SCML4: variants seen among roughly 807,000 people sequenced by gnomAD.
SCML4 encodes Scm polycomb group protein like 4.
SCML4 carries 34 observed loss-of-function variants against 41.1 expected under a neutral mutation model. The observed-to-expected ratio is 0.83, with a 90% CI of 0.63 to 1.10. The LOEUF (loss-of-function observed/expected upper bound fraction) is 1.10, where lower values mean the gene tolerates loss of function less well. SCML4 is among the 50% of genes least tolerant of loss of function. The pLI is 0.00. For missense variants in SCML4, 522 were observed against 534.1 expected, an observed-to-expected ratio of 0.98 and a Z score of 0.22; for synonymous variants, 214 against 220.9, an observed-to-expected ratio of 0.97 and a Z score of 0.28.
At chr6:107,815,383 T>C (rs1050606776) in intron 1 of SCML4, among the ~76,000 whole-genome samples, 6 of 152,370 alleles carry the variant, frequency 3.9e-5, no homozygotes, top group African/African-American at 1.4e-4. Context: ...AACCTGGGAC[T>C]AACTTATTTT....
At chr6:107,837,410 TGACCCCA>T in the SCML4 span, among the ~76,000 whole-genome samples, 1 of 152,234 alleles carries the variant, frequency 6.6e-6, no homozygotes, top group African/African-American at 2.4e-5. Flanking sequence ...TTATGGTCCC[TGACCCCA>T]GATGCATGAA....
chr6:107,792,432 C>T (rs1782398675), intron 1 of SCML4, among the ~76,000 whole-genome samples: 1 of 152,064 alleles, frequency 6.6e-6, no homozygotes, highest in Admixed American at 6.6e-5. Context: ...CAGACGAAAA[C>T]TTTATAAGGT....
intron 2 of SCML4, among the ~76,000 whole-genome samples, chr6:107,766,797 C>T (rs1368669120): frequency 9.2e-5 from 14 of 152,112 alleles, no homozygotes; most frequent in South Asian, 6.2e-4. Flanking sequence ...ATGTTCAACC[C>T]GAGGAAATGG....
chr6:107,838,406 G>A, the SCML4 span, among the ~76,000 whole-genome samples: 67 of 152,242 alleles, frequency 4.4e-4, no homozygotes, highest in African/African-American at 1.2e-3. Flanking sequence ...TGGGGCTTTC[G>A]TGAAGCTAAA....
intron 6 of SCML4, among the ~76,000 whole-genome samples, chr6:107,708,682 G>A (rs2114343648): frequency 6.6e-6 from 1 of 152,208 alleles, no homozygotes; most frequent in South Asian, 2.1e-4. Flanking sequence ...GCATTTGCCC[G>A]GGTCTCCCCC....
intron 1 of SCML4, among the ~76,000 whole-genome samples, chr6:107,800,094 T>TC (rs1782999399): frequency 6.6e-6 from 1 of 151,634 alleles, no homozygotes; most frequent in Non-Finnish European, 1.5e-5. Context: ...CAAGCCATCC[T>TC]CCCCCCTCAG....
At chr6:107,739,875 T>G (rs1347966172) in intron 5 of SCML4, among the ~76,000 whole-genome samples, 1 of 152,160 alleles carries the variant, frequency 6.6e-6, no homozygotes, top group Non-Finnish European at 1.5e-5. Context: ...GAAAGACATG[T>G]GGGGTGAGGG....
At chr6:107,769,492 G>A (rs1014244983) in intron 2 of SCML4, among the ~76,000 whole-genome samples, 2 of 152,158 alleles carry the variant, frequency 1.3e-5, no homozygotes, top group Admixed American at 6.5e-5. Context: ...CAGAGCAGCT[G>A]GGGAAGCATC....
intron 1 of SCML4, among the ~76,000 whole-genome samples, chr6:107,789,978 G>A (rs1782199477): frequency 6.6e-6 from 1 of 152,226 alleles, no homozygotes; most frequent in Non-Finnish European, 1.5e-5. Context: ...CGTATAGATG[G>A]AGAGTCTGTC....
intron 2 of SCML4, among the ~76,000 whole-genome samples, chr6:107,769,623 G>A (rs1309702471): frequency 6.6e-6 from 1 of 151,990 alleles, no homozygotes; most frequent in African/African-American, 2.4e-5. Context: ...ATTTTATTAC[G>A]ATGCTATTAT....
chr6:107,765,320 C>A (rs556845872), intron 2 of SCML4, among the ~76,000 whole-genome samples: 4 of 152,172 alleles, frequency 2.6e-5, no homozygotes, highest in Non-Finnish European at 5.9e-5. Flanking sequence ...CTCAGCAGAA[C>A]TCTGATCCCC....
chr6:107,714,781 T>C (rs960488826), intron 6 of SCML4, among the ~76,000 whole-genome samples: 5 of 152,084 alleles, frequency 3.3e-5, no homozygotes, highest in Non-Finnish European at 5.9e-5. Context: ...ATTAGGTAGT[T>C]GCTGTTCTTC....
chr6:107,717,367 C>T (rs1382674466), intron 6 of SCML4, among the ~76,000 whole-genome samples: 1 of 150,448 alleles, frequency 6.6e-6, no homozygotes, highest in East Asian at 2.0e-4. Flanking sequence ...TTTCATTTTT[C>T]TTCAGTGTAT....
chr6:107,737,383 G>T (rs896980285), intron 5 of SCML4, among the ~76,000 whole-genome samples: 2 of 152,096 alleles, frequency 1.3e-5, no homozygotes, highest in Non-Finnish European at 2.9e-5. Context: ...CTCTTCCCCA[G>T]ATATGCAAGC....
the SCML4 span, among the ~76,000 whole-genome samples, chr6:107,841,432 TGC>T: frequency 6.6e-6 from 1 of 152,240 alleles, no homozygotes; most frequent in East Asian, 1.9e-4. Context: ...CCAGACACTG[TGC>T]CAGCACGGGG....
rs546933070 is a variant in SCML4 at position 107,822,445 on chromosome 6, G to A, written c.-60+1681C>T. Among the ~76,000 whole-genome samples, 6 of 149,646 alleles carry A rather than the reference G, an allele frequency of 4.0e-5. No individual in the cohort carries two copies. The East Asian group carries it at 9.8e-4, about 24-fold the overall frequency. On this transcript the variant is annotated intron_variant, in intron 1 of 7. Coordinates refer to ENST00000369020, the MANE Select transcript of SCML4 (RefSeq NM_198081.5). Reference sequence around the variant, plus strand: ...AGAAATGATGAAAAGCAACTTACTCGTTTCGCTTATTGTTTTCTTGTCTTT... The same window carrying A: ...AGAAATGATGAAAAGCAACTTACTCATTTCGCTTATTGTTTTCTTGTCTTT...
chr6:107,804,248 C>CGTGTGTGTGTGT (rs1554223036), intron 1 of SCML4, among the ~76,000 whole-genome samples: 3,051 of 150,654 alleles, frequency 0.02, 48 homozygotes, highest in East Asian at 0.066. Flanking sequence ...AAACATGAAA[C>CGTGTGTGTGTGT]GTGTGTGTGT....
the SCML4 span, among the ~76,000 whole-genome samples, chr6:107,830,363 T>A: frequency 6.6e-6 from 1 of 152,006 alleles, no homozygotes; most frequent in East Asian, 1.9e-4. Flanking sequence ...AACATTTTTC[T>A]CAAGGTCTGG....
At position 107,744,976 on chromosome 6, in the gene SCML4, C is replaced by T. The variant is rs1237861901; in HGVS notation, c.655G>A (p.Glu219Lys). The change falls in exon 5 of 8, where the codon GAG (glutamate) becomes AAG (lysine). Residue 219 changes from glutamate (E) to lysine (K), a missense_variant. By Grantham distance (56) the Glu-to-Lys change is moderately conservative. Coordinates refer to ENST00000369020, the MANE Select transcript of SCML4 (RefSeq NM_198081.5). ...GATTCCATCCTCCCTTCCTCTTTCT[C>T]CTGGACTTTCTCAGAGGCACTGCAG... ...RGCSASEKVQ[E>K]KEEGRMESVK... is the part of the protein sequence containing the mutation. 4 of 1,613,048 alleles carry T rather than the reference C, an allele frequency of 2.5e-6. No homozygotes were observed. Among genetic ancestry groups the T allele is most frequent in the Non-Finnish European group, 3.4e-6 (4 of 1,179,596 alleles).
Sources: allele counts gnomAD v4.1 joint callset (sites outside exome capture counted in the v4.1 genomes callset), GRCh38; gene constraint gnomAD v4.1.1; transcripts MANE v1.5; gene names NCBI Gene and HGNC (gene_info 2026-07-23, HGNC 2026-07-21).